The following PIWIL4 variants were observed in gnomAD, a reference collection of about 807,000 sequenced individuals.
The protein encoded by PIWIL4 is piwi like RNA-mediated gene silencing 4.
In PIWIL4, 50 loss-of-function variants were observed where a neutral mutation model predicts 100.9. The observed-to-expected ratio is 0.50, with a 90% CI of 0.39 to 0.63. The LOEUF (loss-of-function observed/expected upper bound fraction) is 0.63, where lower values mean the gene tolerates loss of function less well. Among genes scored for constraint, PIWIL4 ranks in the 20% least tolerant of loss-of-function variants. The pLI, the probability that PIWIL4 is intolerant of heterozygous loss-of-function variation, is 0.00. For synonymous variants in PIWIL4, 342 were observed against 367.5 expected (o/e 0.93, Z 0.79); for missense variants, 887 against 1,043.3 (o/e 0.85, Z 2.06).
intron 2 of PIWIL4, among the ~76,000 whole-genome samples, chr11:94,569,046 C>A (rs1948112378): frequency 6.6e-6 from 1 of 152,174 alleles, no homozygotes; most frequent in African/African-American, 2.4e-5. Flanking sequence ...CTGTCTCTTT[C>A]TATTCACTGA....
chr11:94,586,868 G>T (rs1948407271), intron 6 of PIWIL4, among the ~76,000 whole-genome samples, 182 bp from the exon 7 acceptor site: 1 of 152,172 alleles, frequency 6.6e-6, no homozygotes, highest in Non-Finnish European at 1.5e-5. Flanking sequence ...CTAAATGTAT[G>T]CTTAAAGACA....
intron 2 of PIWIL4, among the ~76,000 whole-genome samples, chr11:94,573,077 T>C (rs962475540): frequency 5.9e-5 from 9 of 152,224 alleles, no homozygotes; most frequent in Admixed American, 3.9e-4. Context: ...ACTCATGATT[T>C]GGCTCTCTGT....
At chr11:94,595,988 C>A (rs1433742231) in intron 10 of PIWIL4, among the ~76,000 whole-genome samples, 1 of 152,092 alleles carries the variant, frequency 6.6e-6, no homozygotes, top group Admixed American at 6.6e-5. Context: ...CTTGGTTTTC[C>A]TTTCTGACCC....
chr11:94,573,459 T>C (rs1468529456), intron 2 of PIWIL4, among the ~76,000 whole-genome samples: 1 of 152,206 alleles, frequency 6.6e-6, no homozygotes, highest in Non-Finnish European at 1.5e-5. Flanking sequence ...TTGAGATATG[T>C]CCCATCAATA....
intron 12 of PIWIL4, among the ~76,000 whole-genome samples, chr11:94,602,588 G>T (rs1948657868): frequency 6.6e-6 from 1 of 152,122 alleles, no homozygotes; most frequent in African/African-American, 2.4e-5. Flanking sequence ...TTTTCATTGA[G>T]TAAGAGATAC....
rs762388061 is a variant in PIWIL4, at chr11:94,607,601, T to G, written c.1801T>G (p.Cys601Gly). The G allele has an allele frequency of 6.2e-7, 1 of 1,614,126 alleles. No homozygotes were observed. Among genetic ancestry groups the G allele is most frequent in the Non-Finnish European group, 8.5e-7 (1 of 1,180,008 alleles). ...CACCAAGATCGCTATGCAGATGACTTGCAAGCTCGGAGGCGAGCTGTGGGC... is the reference window on the plus strand; with the variant it reads ...CACCAAGATCGCTATGCAGATGACTGGCAAGCTCGGAGGCGAGCTGTGGGC... ...IATKIAMQMTCKLGGELWAVE... is the reference protein window; with the variant it reads ...IATKIAMQMTGKLGGELWAVE... The change falls in exon 14 of 20, where the codon TGC becomes GGC. Residue 601 changes from cysteine to glycine, a missense_variant. Physicochemically the swap from Cys to Gly is radical, Grantham distance 159. Transcript: ENST00000299001.
intron 2 of PIWIL4, 34 bp from the exon 3 acceptor site, chr11:94,574,965 T>C: frequency 6.3e-7 from 1 of 1,597,318 alleles, no homozygotes; most frequent in African/African-American, 1.3e-5. Flanking sequence ...TAGAATGAAA[T>C]ATTAGCTGTT....
intron 2 of PIWIL4, among the ~76,000 whole-genome samples, chr11:94,569,996 T>G (rs1405413081): frequency 6.6e-6 from 1 of 152,144 alleles, no homozygotes; most frequent in African/African-American, 2.4e-5. Context: ...CTGAACGGCA[T>G]ATAAATGCCA....
chr11:94,589,195 A>G lies in PIWIL4; in HGVS notation c.989A>G (p.Asp330Gly), dbSNP rs1948445985. The change falls in exon 8 of 20, where the codon GAT becomes GGT. Residue 330 changes from aspartate to glycine, a missense_variant. Coordinates refer to ENST00000299001, the MANE Select transcript of PIWIL4 (RefSeq NM_152431.3). Reference sequence around the variant, plus strand: ...CCCACACACACCTTTCAGAAGCGGGATGGCACCGAGATCACCTATGTGGAT... The same window carrying G: ...CCCACACACACCTTTCAGAAGCGGGGTGGCACCGAGATCACCTATGTGGAT... ...VKPTHTFQKR[D>G]GTEITYVDYY... 3 of 1,611,222 alleles carry G rather than the reference A, an allele frequency of 1.9e-6. No individual in the cohort carries two copies. The South Asian group carries it at 3.3e-5, about 18-fold the overall frequency.
At chr11:94,579,195 G>T (rs1405543856) in intron 4 of PIWIL4, among the ~76,000 whole-genome samples, 3 of 152,068 alleles carry the variant, frequency 2.0e-5, no homozygotes, top group Non-Finnish European at 4.4e-5. Context: ...TTTGATTCTA[G>T]AATTGCCGTT....
rs959599124 is a variant in PIWIL4 at position 94,583,625 on chromosome 11, G to A, written c.635+56G>A. 8 of 1,600,754 alleles carry A rather than the reference G, an allele frequency of 5.0e-6. No individual in the cohort carries two copies. The Admixed American group carries it at 8.4e-5, about 17-fold the overall frequency. On this transcript the variant is annotated intron_variant, in intron 5 of 19. Coordinates refer to ENST00000299001, the MANE Select transcript of PIWIL4 (RefSeq NM_152431.3). ...GGCTAATGATACCTTTCAGCATAGA[G>A]CCTGGGTATTAAAATAATCGACCAT...
chr11:94,582,356 A>G (rs1591781693), intron 4 of PIWIL4, among the ~76,000 whole-genome samples: 1 of 152,114 alleles, frequency 6.6e-6, no homozygotes, highest in African/African-American at 2.4e-5. Flanking sequence ...ATTTCTGTAC[A>G]ATTTTATCTG....
intron 15 of PIWIL4, 72 bp downstream of exon 15, chr11:94,608,758 A>T: frequency 7.9e-7 from 1 of 1,262,502 alleles, no homozygotes; most frequent in Non-Finnish European, 1.2e-6. Flanking sequence ...TAAAGAATGT[A>T]ACAGCAAGGA....
chr11:94,587,517 T>C (rs930877372), intron 7 of PIWIL4, among the ~76,000 whole-genome samples: 2 of 152,234 alleles, frequency 1.3e-5, no homozygotes, highest in Non-Finnish European at 1.5e-5. Context: ...GCACTTTGCA[T>C]GCTTCAGTTC....
At chr11:94,571,987 G>C (rs919310275) in intron 2 of PIWIL4, among the ~76,000 whole-genome samples, 10 of 152,302 alleles carry the variant, frequency 6.6e-5, no homozygotes, top group South Asian at 2.1e-4. Context: ...ATTCTAACTG[G>C]TGTGAGATGG....
intron 5 of PIWIL4, among the ~76,000 whole-genome samples, chr11:94,584,685 A>C (rs1386335174): frequency 6.6e-6 from 1 of 152,210 alleles, no homozygotes; most frequent in African/African-American, 2.4e-5. Flanking sequence ...CATGTAGGTC[A>C]AATTCCTAAG....
chr11:94,620,230 A>T, intron 19 of PIWIL4, 86 bp downstream of exon 19: 1 of 1,363,560 alleles, frequency 7.3e-7, no homozygotes, highest in Non-Finnish European at 1.0e-6. Context: ...TTGTATCCCT[A>T]GATATAGCAC....
intron 6 of PIWIL4, among the ~76,000 whole-genome samples, chr11:94,586,642 AT>A (rs1038863846): frequency 4.6e-5 from 7 of 151,974 alleles, no homozygotes; most frequent in Admixed American, 1.3e-4. Context: ...AGGCAGGGAC[AT>A]TTCCCCCCCC....
chr11:94,587,099 A>C lies in PIWIL4; in HGVS notation c.766A>C (p.Lys256Gln), dbSNP rs142289424. ...CATTTCTGTGTCATATTTTGAAAGGAAGCTCCTGTTTAGTGCTGATGTGAG... is the reference window on the plus strand; with the variant it reads ...CATTTCTGTGTCATATTTTGAAAGGCAGCTCCTGTTTAGTGCTGATGTGAG... ...FAISVSYFER[K>Q]LLFSADVSYK... Residue 256 changes from lysine to glutamine, a missense_variant, in exon 7 of 20, where the codon AAG (lysine) becomes CAG (glutamine). By Grantham distance (53) the Lys-to-Gln change is moderately conservative. This residue lies in a region of PIWIL4 where 741 missense variants were observed against 930.0 expected (regional missense o/e 0.80). Transcript: ENST00000299001. 5.2e-3 allele frequency: 8,441 copies of C among 1,613,888 alleles called. 34 individuals are homozygous for C. Among genetic ancestry groups the C allele is most frequent in the Non-Finnish European group, 6.6e-3 (7,761 of 1,179,856 alleles).
Sources: allele counts gnomAD v4.1 joint callset (sites outside exome capture counted in the v4.1 genomes callset), GRCh38; gene constraint gnomAD v4.1.1; regional missense constraint gnomAD v4.1.1; transcripts MANE v1.5; gene names NCBI Gene and HGNC (gene_info 2026-07-23, HGNC 2026-07-21).